Variants in CNTNAP2 observed in about 807,000 individuals in gnomAD.
The protein encoded by CNTNAP2 is contactin-associated protein-like 2.
CNTNAP2 carries 98 observed loss-of-function variants against 155.2 expected under a neutral mutation model. That is an observed-to-expected ratio of 0.63 (90% CI 0.54 to 0.75). CNTNAP2 has a LOEUF of 0.75. Among genes scored for constraint, CNTNAP2 ranks in the 30% least tolerant of loss-of-function variants. The probability of loss-of-function intolerance (pLI) is 0.00; values close to 1 mark genes in which losing one functional copy is unlikely to be tolerated. For missense variants in CNTNAP2, 1,727 were observed against 1,688.1 expected (o/e 1.02, Z -0.40); for synonymous variants, 651 against 631.2 (o/e 1.03, Z -0.47).
chr7:147,810,602 A>G (rs2116606264), intron 13 of CNTNAP2, among the ~76,000 whole-genome samples: 1 of 152,284 alleles, frequency 6.6e-6, no homozygotes, highest in African/African-American at 2.4e-5. Context: ...TACAGGTAGA[A>G]AGTTTAATAT....
At chr7:147,745,955 TC>T (rs1270045794) in intron 13 of CNTNAP2, among the ~76,000 whole-genome samples, 1 of 151,988 alleles carries the variant, frequency 6.6e-6, no homozygotes. Context: ...TCAATGAACT[TC>T]TTTTTCATGG....
chr7:147,885,042 C>T (rs1328912198), intron 13 of CNTNAP2, among the ~76,000 whole-genome samples: 1 of 152,192 alleles, frequency 6.6e-6, no homozygotes, highest in Non-Finnish European at 1.5e-5. Context: ...ACATGACTGT[C>T]TGGAGAGTAA....
intron 1 of CNTNAP2, among the ~76,000 whole-genome samples, chr7:146,192,979 A>AG (rs1798727622): frequency 1.3e-5 from 2 of 152,266 alleles, no homozygotes; most frequent in East Asian, 3.9e-4. Context: ...CCGCATGTGA[A>AG]GCAAATCCAA....
At chr7:146,842,813 G>A (rs1803759225) in intron 3 of CNTNAP2, among the ~76,000 whole-genome samples, 1 of 151,452 alleles carries the variant, frequency 6.6e-6, no homozygotes, top group African/African-American at 2.4e-5. Context: ...AGCCTCCCAA[G>A]TAGCTGGGAC....
intron 21 of CNTNAP2, among the ~76,000 whole-genome samples, chr7:148,370,264 C>T (rs1465692617): frequency 6.6e-6 from 1 of 152,192 alleles, no homozygotes; most frequent in Non-Finnish European, 1.5e-5. Context: ...TCCCCAGTGC[C>T]TCTGGTTCTA....
rs75732791 is a variant in CNTNAP2, at chr7:146,923,706, G to A, written c.402+83802G>A. On this transcript the variant is annotated intron_variant, in intron 3 of 23. Transcript: ENST00000361727. Reference sequence around the variant, plus strand: ...GGTGGATTTTGCTCCTGTTATTATCGCATTCGTCATTATAATTACTTCTGA... The same window carrying A: ...GGTGGATTTTGCTCCTGTTATTATCACATTCGTCATTATAATTACTTCTGA... Among the ~76,000 whole-genome samples, 1,358 of 152,060 alleles carry A rather than the reference G, an allele frequency of 8.9e-3. 15 individuals are homozygous for A. Among genetic ancestry groups the A allele is most frequent in the African/African-American group, 0.031 (1,299 of 41,480 alleles).
chr7:148,196,320 C>G (rs1795276720), intron 18 of CNTNAP2, among the ~76,000 whole-genome samples: 1 of 152,180 alleles, frequency 6.6e-6, no homozygotes, highest in Admixed American at 6.5e-5. Flanking sequence ...TGAAATAAAT[C>G]AATCATCTAT....
At chr7:147,878,769 G>A (rs1458629823) in intron 13 of CNTNAP2, among the ~76,000 whole-genome samples, 1 of 152,160 alleles carries the variant, frequency 6.6e-6, no homozygotes, top group African/African-American at 2.4e-5. Flanking sequence ...ACATGAGATA[G>A]TTTTCTTTTA....
At chr7:147,439,720 T>C (rs1797606786) in intron 10 of CNTNAP2, among the ~76,000 whole-genome samples, 1 of 152,106 alleles carries the variant, frequency 6.6e-6, no homozygotes, top group Admixed American at 6.6e-5. Flanking sequence ...ACTACCTCTC[T>C]CTTTAGCTCT....
intron 1 of CNTNAP2, among the ~76,000 whole-genome samples, chr7:146,559,646 A>G (rs897798272): frequency 2.0e-5 from 3 of 152,180 alleles, no homozygotes; most frequent in Non-Finnish European, 4.4e-5. Flanking sequence ...TAAGGCATTT[A>G]TAAATTATTG....
chr7:148,288,089 CT>C lies in CNTNAP2; in HGVS notation c.3475+20974del, dbSNP rs1395175521. Among the ~76,000 whole-genome samples the C allele has an allele frequency of 2.7e-3, 371 of 137,952 alleles. 1 individual carries two copies. The highest frequency in any genetic ancestry group is 3.7e-3 in the Non-Finnish European group (233 of 63,590). 90.5% of individuals were successfully genotyped at this position (137,952 alleles called of 152,430 possible). ...ACAGGCGTGAGCCACCGCGCCCAAC[CT>C]TTTTTTTTTTCTTTTCTTTTTTTTT... On this transcript the variant is annotated intron_variant, in intron 21 of 23. Transcript: ENST00000361727.
chr7:147,620,354 C>G (rs1022911008), intron 12 of CNTNAP2, among the ~76,000 whole-genome samples: 1 of 151,986 alleles, frequency 6.6e-6, no homozygotes, highest in African/African-American at 2.4e-5. Context: ...AGGAACCAAT[C>G]CTAGTGAAAC....
intron 1 of CNTNAP2, among the ~76,000 whole-genome samples, chr7:146,185,986 C>T (rs961667210): frequency 1.4e-4 from 21 of 151,656 alleles, no homozygotes; most frequent in Non-Finnish European, 3.1e-4. Flanking sequence ...TGTATCATAC[C>T]GAGAGAGGTG....
At chr7:146,548,736 T>C (rs1798069796) in intron 1 of CNTNAP2, among the ~76,000 whole-genome samples, 1 of 151,692 alleles carries the variant, frequency 6.6e-6, no homozygotes, top group Admixed American at 6.6e-5. Flanking sequence ...GAGTTTCTTA[T>C]ATATTTTGGA....
At chr7:147,447,516 A>G (rs2116561787) in intron 10 of CNTNAP2, among the ~76,000 whole-genome samples, 1 of 152,234 alleles carries the variant, frequency 6.6e-6, no homozygotes, top group East Asian at 1.9e-4. Context: ...CCTGGGTTCA[A>G]GCAATTCTCC....
intron 17 of CNTNAP2, among the ~76,000 whole-genome samples, chr7:148,158,845 A>T (rs1325630653): frequency 2.0e-5 from 3 of 152,254 alleles, no homozygotes; most frequent in Non-Finnish European, 4.4e-5. Flanking sequence ...ATAATTTCTT[A>T]TACAGATTTT....
At chr7:147,319,796 T>C (rs1052834421) in intron 9 of CNTNAP2, among the ~76,000 whole-genome samples, 1 of 152,210 alleles carries the variant, frequency 6.6e-6, no homozygotes, top group Non-Finnish European at 1.5e-5. Flanking sequence ...TATATAATTA[T>C]AGAAATCCAA....
chr7:147,030,023 A>G (rs1798998631), intron 3 of CNTNAP2, among the ~76,000 whole-genome samples: 1 of 152,202 alleles, frequency 6.6e-6, no homozygotes. Flanking sequence ...TGCGAAAAGC[A>G]ATGGTTTTGG....
At chr7:147,389,959 A>G (rs1458484570) in intron 9 of CNTNAP2, among the ~76,000 whole-genome samples, 1 of 152,150 alleles carries the variant, frequency 6.6e-6, no homozygotes, top group Non-Finnish European at 1.5e-5. Flanking sequence ...GCCAGCTGCA[A>G]ATTTATATTA....
Sources: allele counts gnomAD v4.1 joint callset (sites outside exome capture counted in the v4.1 genomes callset), GRCh38; gene constraint gnomAD v4.1.1; transcripts MANE v1.5; gene names NCBI Gene and HGNC (gene_info 2026-07-23, HGNC 2026-07-21).